SCOC: variants seen among roughly 807,000 people sequenced by gnomAD.
The protein encoded by SCOC is short coiled coil protein.
SCOC carries 7 observed loss-of-function variants against 9.9 expected under a neutral mutation model. The observed-to-expected ratio is 0.71, with a 90% CI of 0.40 to 1.33. The LOEUF (loss-of-function observed/expected upper bound fraction) is 1.33. SCOC is among the 40% of genes most tolerant of loss of function. The probability of loss-of-function intolerance (pLI) is 0.01; values close to 1 mark genes in which losing one functional copy is unlikely to be tolerated. For synonymous variants in SCOC, 19 were observed against 28.2 expected, an observed-to-expected ratio of 0.67 and a Z score of 1.03; for missense variants, 66 against 89.7, an observed-to-expected ratio of 0.74 and a Z score of 1.07.
chr4:140,335,221 G>C (rs1732924938), intron 1 of SCOC, among the ~76,000 whole-genome samples: 1 of 152,214 alleles, frequency 6.6e-6, no homozygotes, highest in African/African-American at 2.4e-5. Flanking sequence ...CCACTGTTGT[G>C]AGAGTGTGGG....
intron 1 of SCOC, among the ~76,000 whole-genome samples, chr4:140,309,980 T>C (rs913911298): frequency 1.6e-4 from 24 of 152,182 alleles, no homozygotes; most frequent in Admixed American, 6.5e-5. Flanking sequence ...CCCTTTCCCA[T>C]GTAGATCAAG....
upstream of SCOC, chr4:140,373,605 A>C (rs758402970): frequency 5.8e-6 from 9 of 1,551,436 alleles, no homozygotes; most frequent in South Asian, 9.5e-5. Context: ...GATTCTTCTC[A>C]CGGCGCACGT....
intron 2 of SCOC, among the ~76,000 whole-genome samples, chr4:140,354,331 C>T (rs1302454919): frequency 2.0e-5 from 3 of 152,208 alleles, no homozygotes; most frequent in Middle Eastern, 3.4e-3. Context: ...CTTTGCCATA[C>T]TGTAAAAATG....
intron 1 of SCOC, chr4:140,374,173 C>G (rs1167876154): frequency 2.2e-6 from 1 of 458,696 alleles, no homozygotes; most frequent in South Asian, 1.5e-5. Flanking sequence ...CCTAGAGAGC[C>G]GTAAAATAAG....
chr4:140,322,282 A>G (rs576684468), intron 1 of SCOC, among the ~76,000 whole-genome samples: 1 of 152,296 alleles, frequency 6.6e-6, no homozygotes, highest in East Asian at 1.9e-4. Flanking sequence ...GAATGCTGGA[A>G]AAAGCCTATA....
intron 1 of SCOC, chr4:140,376,768 C>T (rs913801398): frequency 2.0e-5 from 3 of 151,882 alleles, no homozygotes; most frequent in Non-Finnish European, 4.4e-5. Flanking sequence ...TTTTCTTTAC[C>T]TCTTATATTG....
chr4:140,379,792 C>T (rs77040240), intron 3 of SCOC, 140 bp downstream of exon 3: 1 of 609,342 alleles, frequency 1.6e-6, no homozygotes, highest in Non-Finnish European at 2.9e-6. Context: ...ATATATCTAT[C>T]TTCCTGCTTT....
intron 1 of SCOC, among the ~76,000 whole-genome samples, chr4:140,275,398 A>G (rs770847108): frequency 2.0e-5 from 3 of 152,202 alleles, no homozygotes; most frequent in Non-Finnish European, 4.4e-5. Flanking sequence ...TTTGCCATAG[A>G]TGTATGATAG....
At chr4:140,278,114 A>G (rs1731023980) in intron 1 of SCOC, among the ~76,000 whole-genome samples, 1 of 152,190 alleles carries the variant, frequency 6.6e-6, no homozygotes, top group Admixed American at 6.5e-5. Flanking sequence ...ACAAAATACT[A>G]TAGACTGGAT....
At chr4:140,331,109 G>A (rs1290275426) in intron 1 of SCOC, among the ~76,000 whole-genome samples, 3 of 152,104 alleles carry the variant, frequency 2.0e-5, no homozygotes, top group Non-Finnish European at 4.4e-5. Flanking sequence ...TGGCTCCAAG[G>A]GGATGCTTGG....
intron 1 of SCOC, among the ~76,000 whole-genome samples, chr4:140,309,572 A>G (rs760281950): frequency 1.3e-5 from 2 of 152,182 alleles, no homozygotes; most frequent in Non-Finnish European, 2.9e-5. Context: ...CAAGCACAGT[A>G]CCCACAGAAT....
At chr4:140,292,189 G>GT (rs5862468) in intron 1 of SCOC, among the ~76,000 whole-genome samples, 4,341 of 135,394 alleles carry the variant, frequency 0.032, 76 homozygotes, top group Middle Eastern at 0.071. Flanking sequence ...TACTCTTCTG[G>GT]TTTTTTTTTT....
At chr4:140,340,887 G>T (rs924542061), upstream of SCOC, among the ~76,000 whole-genome samples, 1 of 139,500 alleles carries the variant, frequency 7.2e-6, no homozygotes, top group Non-Finnish European at 1.5e-5. Flanking sequence ...CACCTCCCGG[G>T]TTCAAGCAAT....
upstream of SCOC, among the ~76,000 whole-genome samples, chr4:140,342,529 A>T (rs1380766983): frequency 6.6e-6 from 1 of 152,224 alleles, no homozygotes; most frequent in Non-Finnish European, 1.5e-5. Flanking sequence ...TTTAATTTTT[A>T]AAATTCAGGA....
At chr4:140,340,266 C>T (rs1195210990), upstream of SCOC, among the ~76,000 whole-genome samples, 7 of 151,330 alleles carry the variant, frequency 4.6e-5, no homozygotes, top group African/African-American at 1.7e-4. Flanking sequence ...CACATGGACA[C>T]AGAAAGGGCA....
chr4:140,377,693 G>A lies in SCOC; in HGVS notation c.-50-1428G>A, dbSNP rs1159678479. Among the ~76,000 whole-genome samples the A allele has an allele frequency of 3.3e-5, 5 of 152,096 alleles. No homozygotes were observed. In the South Asian group the frequency reaches 6.2e-4, roughly 19 times the overall value. ...CAGGATTTATGTAGATGTACACTGG[G>A]CATTTTCAAATTTCATGTTAGTATC... is the stretch of plus-strand genomic sequence containing the variant. On this transcript the variant is annotated intron_variant, in intron 1 of 3. Coordinates refer to ENST00000608372, the MANE Select transcript of SCOC (RefSeq NM_001153484.2).
At chr4:140,322,596 T>C (rs1459078462) in intron 1 of SCOC, among the ~76,000 whole-genome samples, 1 of 152,180 alleles carries the variant, frequency 6.6e-6, no homozygotes, top group Non-Finnish European at 1.5e-5. Flanking sequence ...AACTAGGATA[T>C]TTGGCAGAAG....
At chr4:140,375,992 A>G (rs893194735) in intron 1 of SCOC, among the ~76,000 whole-genome samples, 2 of 152,200 alleles carry the variant, frequency 1.3e-5, no homozygotes, top group African/African-American at 4.8e-5. Flanking sequence ...GTTTATATAT[A>G]GGAGCAGAAG....
intron 1 of SCOC, among the ~76,000 whole-genome samples, chr4:140,280,105 T>C (rs966810966): frequency 1.9e-4 from 29 of 152,134 alleles, no homozygotes; most frequent in Non-Finnish European, 3.4e-4. Flanking sequence ...CAAAGTCCAT[T>C]GTGTCGTGAT....
Sources: gnomAD v4.1 joint callset for allele counts (sites outside exome capture counted in the v4.1 genomes callset) on GRCh38, gnomAD v4.1.1 for gene constraint, MANE v1.5 for transcripts, NCBI Gene and HGNC (gene_info 2026-07-23, HGNC 2026-07-21) for gene names.